Variants in RAPGEF2 observed in about 807,000 individuals in gnomAD.
The protein encoded by RAPGEF2 is PDZ domain containing guanine nucleotide exchange factor (GEF) 1.
RAPGEF2 carries 54 observed loss-of-function variants against 186.7 expected under a neutral mutation model. The observed-to-expected ratio is 0.29, with a 90% CI of 0.23 to 0.36. RAPGEF2 has a LOEUF of 0.36. Ranked by LOEUF, RAPGEF2 falls within the 10% of genes least tolerant of loss-of-function variation. The pLI is 1.00. For synonymous variants in RAPGEF2, 712 were observed against 705.9 expected (o/e 1.01, Z -0.14); for missense variants, 1,532 against 2,045.0 (o/e 0.75, Z 4.84).
chr4:159,155,495 A>G (rs1744016416), intron 1 of RAPGEF2, among the ~76,000 whole-genome samples: 1 of 151,406 alleles, frequency 6.6e-6, no homozygotes, highest in Non-Finnish European at 1.5e-5. Context: ...GTTTCTTTGT[A>G]AGAAGTTTCC....
intron 4 of RAPGEF2, among the ~76,000 whole-genome samples, chr4:159,212,856 A>G (rs1482588686): frequency 6.6e-6 from 1 of 152,224 alleles, no homozygotes; most frequent in African/African-American, 2.4e-5. Flanking sequence ...CTTGACTACC[A>G]GCCATTATCA....
At chr4:159,324,332 T>C (rs1765643940) in intron 11 of RAPGEF2, among the ~76,000 whole-genome samples, 1 of 152,160 alleles carries the variant, frequency 6.6e-6, no homozygotes, top group Non-Finnish European at 1.5e-5. Flanking sequence ...CTGGCACCAA[T>C]AGGATTTTAA....
intron 1 of RAPGEF2, among the ~76,000 whole-genome samples, chr4:159,185,042 AG>A (rs1747417446): frequency 1.3e-5 from 2 of 152,298 alleles, no homozygotes; most frequent in South Asian, 4.2e-4. Context: ...CACTTATCCA[AG>A]AAGTTATATA....
intron 7 of RAPGEF2, among the ~76,000 whole-genome samples, chr4:159,276,069 C>A (rs1028151655): frequency 2.6e-5 from 4 of 151,966 alleles, no homozygotes; most frequent in Non-Finnish European, 4.4e-5. Context: ...TACTTAGTAT[C>A]CCAGTATCTT....
intron 25 of RAPGEF2, among the ~76,000 whole-genome samples, chr4:159,348,690 C>T (rs192056077): frequency 1.3e-5 from 2 of 152,256 alleles, no homozygotes; most frequent in East Asian, 3.9e-4. Context: ...CTAAAAATGC[C>T]TATTAGCCAT....
intron 4 of RAPGEF2, among the ~76,000 whole-genome samples, chr4:159,224,781 C>A (rs1378373816): frequency 6.6e-6 from 1 of 152,140 alleles, no homozygotes; most frequent in Non-Finnish European, 1.5e-5. Flanking sequence ...GGAACCTTAT[C>A]TTAATGGTCT....
chr4:159,186,284 AATTTG>A (rs1424264794), intron 1 of RAPGEF2, among the ~76,000 whole-genome samples: 1 of 152,054 alleles, frequency 6.6e-6, no homozygotes, highest in East Asian at 1.9e-4. Context: ...CTAAGAAAAT[AATTTG>A]ATTTAACTAT....
chr4:159,258,900 T>C (rs539442739), intron 7 of RAPGEF2, among the ~76,000 whole-genome samples: 1 of 152,334 alleles, frequency 6.6e-6, no homozygotes, highest in South Asian at 2.1e-4. Context: ...CAGACAACTG[T>C]ACATTAATTA....
chr4:159,336,518 A>G (rs1579990650), intron 17 of RAPGEF2, among the ~76,000 whole-genome samples: 1 of 152,182 alleles, frequency 6.6e-6, no homozygotes. Context: ...TTTATGGCTG[A>G]GTAATATTCT....
intron 18 of RAPGEF2, among the ~76,000 whole-genome samples, chr4:159,338,909 T>A (rs987646877): frequency 2.6e-5 from 4 of 152,228 alleles, no homozygotes; most frequent in African/African-American, 9.7e-5. Context: ...TGTCTGTAGT[T>A]CAATCTGTTA....
intron 7 of RAPGEF2, among the ~76,000 whole-genome samples, chr4:159,249,060 C>T (rs529135539): frequency 3.3e-5 from 5 of 152,208 alleles, no homozygotes; most frequent in South Asian, 2.1e-4. Flanking sequence ...ATATTTCAAG[C>T]GATTTATTTG....
intron 1 of RAPGEF2, among the ~76,000 whole-genome samples, chr4:159,160,711 A>G (rs1744618770): frequency 6.6e-6 from 1 of 151,750 alleles, no homozygotes; most frequent in Admixed American, 6.6e-5. Context: ...GCCTTAAAAT[A>G]ACGACTCCAA....
rs996919605 is a variant in RAPGEF2 at position 159,359,683 on chromosome 4, CTTTA to C, written c.*1549_*1552del. 14 of 151,732 alleles carry C rather than the reference CTTTA, an allele frequency of 9.2e-5. No individual in the cohort carries two copies. The highest frequency in any genetic ancestry group is 2.6e-4 in the Admixed American group (4 of 15,282). The allele number at this position is 151,732 out of a possible 1,614,324, so 9.4% of individuals were successfully genotyped here. A position where few individuals can be genotyped will look rare whatever the true frequency, so the allele number is the denominator to read the frequency against. On this transcript the variant is annotated 3_prime_UTR_variant, in exon 30 of 30. Transcript: ENST00000691494. ...TTCACTGTATCAAACAATGTCAGTG[CTTTA>C]TTTAATAATTCTCTTCTGTATCATG...
intron 18 of RAPGEF2, 129 bp downstream of exon 18, chr4:159,338,597 A>C: frequency 9.8e-7 from 1 of 1,016,028 alleles, no homozygotes. Context: ...GATGAAACTT[A>C]AACTTTAAGA....
intron 1 of RAPGEF2, among the ~76,000 whole-genome samples, chr4:159,116,137 A>G (rs1560977377): frequency 1.3e-5 from 2 of 152,238 alleles, no homozygotes; most frequent in African/African-American, 4.8e-5. Flanking sequence ...AACTATCATC[A>G]GAGTGAGCAG....
At position 159,281,279 on chromosome 4, in the gene RAPGEF2, C is replaced by T. The variant is rs189113491; in HGVS notation, c.544-23063C>T. Among the ~76,000 whole-genome samples, 8 of 152,100 alleles carry T rather than the reference C, an allele frequency of 5.3e-5. No individual in the cohort carries two copies. In the East Asian group the frequency reaches 1.5e-3, roughly 29 times the overall value. ...TGCTGGGATTACAGGTGTGAGCCAC[C>T]GCACCTGGCCATCATTTAACTTCTT... On this transcript the variant is annotated intron_variant, in intron 7 of 29. Transcript: ENST00000691494.
At chr4:159,120,704 G>A (rs1325320385) in intron 1 of RAPGEF2, among the ~76,000 whole-genome samples, 5 of 151,996 alleles carry the variant, frequency 3.3e-5, no homozygotes. Flanking sequence ...TTCTTTTGGT[G>A]GGACTACAAC....
At chr4:159,118,761 A>G (rs1052731492) in intron 1 of RAPGEF2, among the ~76,000 whole-genome samples, 10 of 151,916 alleles carry the variant, frequency 6.6e-5, no homozygotes, top group African/African-American at 2.2e-4. Context: ...ATTTTGGTAT[A>G]TGTAGTAGAG....
intron 7 of RAPGEF2, among the ~76,000 whole-genome samples, chr4:159,252,080 A>G (rs1298712252): frequency 2.0e-5 from 3 of 152,148 alleles, no homozygotes; most frequent in Admixed American, 6.5e-5. Flanking sequence ...ATTCACCGTG[A>G]GGGTCTGTGG....
Sources: gnomAD v4.1 joint callset for allele counts (sites outside exome capture counted in the v4.1 genomes callset) on GRCh38, gnomAD v4.1.1 for gene constraint, MANE v1.5 for transcripts, NCBI Gene and HGNC (gene_info 2026-07-23, HGNC 2026-07-21) for gene names.